Variants in CDYL2 observed in about 807,000 individuals in gnomAD.
CDYL2 encodes chromodomain Y-like protein 2.
In CDYL2, 23 loss-of-function variants were observed where a neutral mutation model predicts 49.4. That is an observed-to-expected ratio of 0.47 (90% CI 0.34 to 0.66). The LOEUF (loss-of-function observed/expected upper bound fraction) is 0.66. CDYL2 is among the 30% of genes least tolerant of loss of function. The probability of loss-of-function intolerance (pLI) is 0.01; values close to 1 mark genes in which losing one functional copy is unlikely to be tolerated. For missense variants in CDYL2, 678 were observed against 656.4 expected, an observed-to-expected ratio of 1.03 and a Z score of -0.36; for synonymous variants, 360 against 268.8, an observed-to-expected ratio of 1.34 and a Z score of -3.32.
intron 1 of CDYL2, among the ~76,000 whole-genome samples, chr16:80,803,884 G>T (rs951419502): frequency 6.8e-6 from 1 of 146,010 alleles, no homozygotes; most frequent in African/African-American, 2.5e-5. Flanking sequence ...CTCCAAGGCC[G>T]CAAAGTAGAT....
At chr16:80,753,121 A>C (rs1029184051) in intron 1 of CDYL2, among the ~76,000 whole-genome samples, 8 of 152,216 alleles carry the variant, frequency 5.3e-5, no homozygotes, top group African/African-American at 1.2e-4. Context: ...AGGTCTGAGA[A>C]GTGGTAAAAT....
intron 2 of CDYL2, among the ~76,000 whole-genome samples, chr16:80,633,963 C>T (rs1907695110): frequency 6.6e-6 from 1 of 152,074 alleles, no homozygotes. Flanking sequence ...ACATCAGGAG[C>T]TCTGGGATGT....
At chr16:80,705,207 G>C (rs536647281) in intron 1 of CDYL2, among the ~76,000 whole-genome samples, 1 of 152,190 alleles carries the variant, frequency 6.6e-6, no homozygotes, top group Non-Finnish European at 1.5e-5. Flanking sequence ...CCTCTAGCAG[G>C]ATGGCTGCTA....
chr16:80,799,009 T>C (rs1305099778), intron 1 of CDYL2, among the ~76,000 whole-genome samples: 1 of 151,806 alleles, frequency 6.6e-6, no homozygotes, highest in Non-Finnish European at 1.5e-5. Flanking sequence ...CTTACCTACA[T>C]TATCTATATA....
chr16:80,741,843 A>G lies in CDYL2; in HGVS notation c.25-56714T>C, dbSNP rs1340628157. ...CGGGGGAGCTGTTAATGTTGGACTA[A>G]TTTACAACATTCCTGAAGGACAATT... On this transcript the variant is annotated intron_variant, in intron 1 of 6. Coordinates refer to ENST00000570137, the MANE Select transcript of CDYL2 (RefSeq NM_152342.4). 2.0e-5 allele frequency among the ~76,000 whole-genome samples: 3 copies of G among 152,224 alleles called. No homozygotes were observed. In the East Asian group the frequency reaches 5.8e-4, roughly 29 times the overall value.
chr16:80,761,502 T>C (rs1038142768), intron 1 of CDYL2, among the ~76,000 whole-genome samples: 9 of 152,164 alleles, frequency 5.9e-5, no homozygotes, highest in Admixed American at 5.2e-4. Context: ...TTTTTAATTA[T>C]TGACAGTCCT....
chr16:80,703,634 C>T lies in CDYL2; in HGVS notation c.25-18505G>A, dbSNP rs868692081. Among the ~76,000 whole-genome samples the T allele has an allele frequency of 5.9e-5, 9 of 152,112 alleles. No homozygotes were observed. In the South Asian group the frequency reaches 1.0e-3, roughly 18 times the overall value. On this transcript the variant is annotated intron_variant, in intron 1 of 6. Coordinates refer to ENST00000570137, the MANE Select transcript of CDYL2 (RefSeq NM_152342.4). Reference sequence around the variant, plus strand: ...GGTGCTCTAGCAACCAATCTGGTTACCATGCATCACACTCTGGCTCAAGGA... The same window carrying T: ...GGTGCTCTAGCAACCAATCTGGTTATCATGCATCACACTCTGGCTCAAGGA...
Position 80,612,694 on chromosome 16 carries a change from C to A in CDYL2, c.1150G>T (p.Ala384Ser), listed in dbSNP as rs769856800. 1 of 1,613,276 alleles carries A rather than the reference C, an allele frequency of 6.2e-7. No homozygotes were observed. Among genetic ancestry groups the A allele is most frequent in the Non-Finnish European group, 8.5e-7 (1 of 1,179,938 alleles). The change falls in exon 5 of 7, where the codon GCC (alanine) becomes TCC (serine). Residue 384 changes from alanine (A) to serine (S), a missense_variant. Coordinates refer to ENST00000570137, the MANE Select transcript of CDYL2 (RefSeq NM_152342.4). This position sits in a 1 kb window ranked among gnomAD's most constrained non-coding sequence, Gnocchi z 5.0. ...SEKAWFQTPYATIRLTPAGCS... is the reference protein window; with the variant it reads ...SEKAWFQTPYSTIRLTPAGCS... ...CCAGCAGGCGTGAGGCGGATGGTGG[C>A]GTAGGGCGTCTGGAACCAGGCCTTC...
intron 1 of CDYL2, among the ~76,000 whole-genome samples, chr16:80,781,325 A>G (rs1907260023): frequency 6.6e-6 from 1 of 152,232 alleles, no homozygotes; most frequent in African/African-American, 2.4e-5. Context: ...TGTTCAATCC[A>G]TCAAGAAGAC....
chr16:80,760,440 A>G (rs1444942863), intron 1 of CDYL2, among the ~76,000 whole-genome samples: 1 of 152,246 alleles, frequency 6.6e-6, no homozygotes, highest in Non-Finnish European at 1.5e-5. Flanking sequence ...GGGTGACTAT[A>G]GTCAATAATA....
chr16:80,714,640 C>A (rs1259345846), intron 1 of CDYL2, among the ~76,000 whole-genome samples: 4 of 152,094 alleles, frequency 2.6e-5, no homozygotes, highest in Admixed American at 6.5e-5. Context: ...TGACCCTATC[C>A]CCGACCCTAA....
At position 80,707,620 on chromosome 16, in the gene CDYL2, G is replaced by C. The variant is rs1445730196; in HGVS notation, c.25-22491C>G. Among the ~76,000 whole-genome samples the C allele has an allele frequency of 2.0e-5, 3 of 152,152 alleles. No homozygotes were observed. In the East Asian group the frequency reaches 5.8e-4, roughly 29 times the overall value. Reference sequence around the variant, plus strand: ...CAGAACATGCAGCTTCTTTGGGTTGGCATCACCAAACTCCAGATGCTTTGG... The same window carrying C: ...CAGAACATGCAGCTTCTTTGGGTTGCCATCACCAAACTCCAGATGCTTTGG... On this transcript the variant is annotated intron_variant, in intron 1 of 6. Transcript: ENST00000570137.
chr16:80,739,119 C>T (rs1905644299), intron 1 of CDYL2, among the ~76,000 whole-genome samples: 1 of 152,184 alleles, frequency 6.6e-6, no homozygotes, highest in Non-Finnish European at 1.5e-5. Context: ...TGGATGAACG[C>T]TGAGGACGTC....
chr16:80,689,771 A>G (rs906718948), intron 1 of CDYL2, among the ~76,000 whole-genome samples: 5 of 152,242 alleles, frequency 3.3e-5, no homozygotes, highest in African/African-American at 1.2e-4. Context: ...CTCACAGGCT[A>G]GTGAGAAACA....
At position 80,642,934 on chromosome 16, in the gene CDYL2, C is replaced by G. The variant is rs369258297; in HGVS notation, c.617-9698G>C. 1.2e-4 allele frequency among the ~76,000 whole-genome samples: 19 copies of G among 152,244 alleles called. No individual in the cohort carries two copies. The South Asian group carries it at 3.9e-3, about 32-fold the overall frequency. On this transcript the variant is annotated intron_variant, in intron 2 of 6. Coordinates refer to ENST00000570137, the MANE Select transcript of CDYL2 (RefSeq NM_152342.4). ...CCCCAGCCCCTCCAAATCTCAAGTC[C>G]TCATATTTCAAAAGCAATCATGGCT...
chr16:80,732,558 G>A (rs959947438), intron 1 of CDYL2, among the ~76,000 whole-genome samples: 1 of 152,208 alleles, frequency 6.6e-6, no homozygotes, highest in Non-Finnish European at 1.5e-5. Flanking sequence ...ATGTCTGGGA[G>A]ATGTCTGAAG....
chr16:80,670,771 TAAAAA>T (rs1909468732), intron 2 of CDYL2, among the ~76,000 whole-genome samples: 1 of 152,030 alleles, frequency 6.6e-6, no homozygotes, highest in Admixed American at 6.5e-5. Context: ...TGTTGCAACA[TAAAAA>T]GTGTGAATCG....
chr16:80,626,327 A>AAAAAAACTGACTATAAAAATC lies in CDYL2; in HGVS notation c.835-5413_835-5393dup, dbSNP rs1229234142. 1.1e-4 allele frequency among the ~76,000 whole-genome samples: 16 copies of AAAAAAACTGACTATAAAAATC among 152,046 alleles called. No homozygotes were observed. The East Asian group carries it at 2.9e-3, about 27-fold the overall frequency. On this transcript the variant is annotated intron_variant, in intron 3 of 6. Coordinates refer to ENST00000570137, the MANE Select transcript of CDYL2 (RefSeq NM_152342.4). ...AAATTGGTGAATGTGTTGTTAATAA[A>AAAAAAACTGACTATAAAAATC]AAAAAACTGACTATAAAAATCATAA...
intron 1 of CDYL2, among the ~76,000 whole-genome samples, chr16:80,694,929 C>T (rs368112330): frequency 2.6e-5 from 4 of 152,256 alleles, no homozygotes; most frequent in African/African-American, 9.6e-5. Flanking sequence ...AAAGAGCTCC[C>T]GATGGCCAAA....
Sources: allele counts gnomAD v4.1 joint callset (sites outside exome capture counted in the v4.1 genomes callset), GRCh38; gene constraint gnomAD v4.1.1; non-coding constraint Gnocchi (gnomAD v3.1); transcripts MANE v1.5; gene names NCBI Gene and HGNC (gene_info 2026-07-23, HGNC 2026-07-21).